Variants in BRINP1 observed in about 807,000 individuals in gnomAD.
The protein encoded by BRINP1 is BMP/retinoic acid-inducible neural-specific protein 1.
Under a neutral mutation model 72.9 loss-of-function variants are expected in BRINP1, and 17 were observed. That is an observed-to-expected ratio of 0.23 (90% CI 0.16 to 0.35). The LOEUF is 0.35. Among genes scored for constraint, BRINP1 ranks in the 10% least tolerant of loss-of-function variants. The pLI is 1.00. For missense variants in BRINP1, 850 were observed against 1,001.6 expected (o/e 0.85, Z 2.04); for synonymous variants, 418 against 378.5 (o/e 1.10, Z -1.21).
At chr9:119,260,933 A>C (rs1168491739) in intron 2 of BRINP1, among the ~76,000 whole-genome samples, 1 of 152,182 alleles carries the variant, frequency 6.6e-6, no homozygotes, top group Admixed American at 6.5e-5. Flanking sequence ...GGATCTGATG[A>C]GTTGTAAATG....
intron 3 of BRINP1, among the ~76,000 whole-genome samples, chr9:119,244,666 GAGAAC>G (rs1317117281): frequency 2.0e-5 from 3 of 152,200 alleles, no homozygotes; most frequent in African/African-American, 7.2e-5. Flanking sequence ...CCTCTGGACT[GAGAAC>G]TGGCAGAAGC....
At chr9:119,200,824 A>C (rs773597358) in intron 7 of BRINP1, among the ~76,000 whole-genome samples, 3 of 151,910 alleles carry the variant, frequency 2.0e-5, no homozygotes, top group Non-Finnish European at 2.9e-5. Flanking sequence ...AAGGGCAGGT[A>C]GAAGCTACCA....
At chr9:119,216,385 G>A (rs948416314) in intron 5 of BRINP1, among the ~76,000 whole-genome samples, 3 of 152,152 alleles carry the variant, frequency 2.0e-5, no homozygotes, top group African/African-American at 7.2e-5. Context: ...CCACATTGAT[G>A]AGCAATGAGT....
At chr9:119,200,689 T>C (rs1262558727) in intron 7 of BRINP1, among the ~76,000 whole-genome samples, 2 of 148,938 alleles carry the variant, frequency 1.3e-5, no homozygotes, top group Non-Finnish European at 3.0e-5. Flanking sequence ...AACTGGATGG[T>C]AAACTGGAAC....
chr9:119,175,278 A>G (rs1588154493), intron 7 of BRINP1, among the ~76,000 whole-genome samples: 1 of 152,006 alleles, frequency 6.6e-6, no homozygotes, highest in Non-Finnish European at 1.5e-5. Context: ...AGAACAGAAA[A>G]CAAAACACTG....
intron 7 of BRINP1, among the ~76,000 whole-genome samples, chr9:119,183,748 C>CTAAT (rs2118841174): frequency 6.6e-6 from 1 of 152,284 alleles, no homozygotes; most frequent in African/African-American, 2.4e-5. Flanking sequence ...TGTTTGTTCT[C>CTAAT]TAATTTTGAT....
chr9:119,195,534 T>C (rs1829729210), intron 7 of BRINP1, among the ~76,000 whole-genome samples: 1 of 152,244 alleles, frequency 6.6e-6, no homozygotes, highest in Non-Finnish European at 1.5e-5. Flanking sequence ...TTGCAAACTT[T>C]AAAGTAATCT....
chr9:119,282,282 G>A (rs1488336025), intron 2 of BRINP1, among the ~76,000 whole-genome samples: 1 of 152,160 alleles, frequency 6.6e-6, no homozygotes. Context: ...TAAACAGAAA[G>A]TAGATGAAAT....
At chr9:119,250,736 T>C (rs1588177925) in intron 2 of BRINP1, among the ~76,000 whole-genome samples, 1 of 152,232 alleles carries the variant, frequency 6.6e-6, no homozygotes, top group East Asian at 1.9e-4. Context: ...TCAGTAACAA[T>C]CACAGTTCCC....
chr9:119,204,605 C>T (rs1329007656), intron 7 of BRINP1, among the ~76,000 whole-genome samples: 2 of 152,306 alleles, frequency 1.3e-5, no homozygotes, highest in Admixed American at 6.5e-5. Flanking sequence ...TGCTAAAGAA[C>T]AGTGCCTGAC....
At chr9:119,241,154 A>G (rs1354043254) in intron 4 of BRINP1, among the ~76,000 whole-genome samples, 1 of 152,236 alleles carries the variant, frequency 6.6e-6, no homozygotes, top group Non-Finnish European at 1.5e-5. Context: ...TAATTAGCTA[A>G]AATGGAATAA....
intron 1 of BRINP1, among the ~76,000 whole-genome samples, chr9:119,346,098 G>A (rs1209790938): frequency 6.6e-6 from 1 of 152,108 alleles, no homozygotes; most frequent in Non-Finnish European, 1.5e-5. Context: ...CTTATTAAGT[G>A]CATGCATCAA....
chr9:119,228,693 G>A (rs931124975), intron 5 of BRINP1, among the ~76,000 whole-genome samples: 7 of 152,038 alleles, frequency 4.6e-5, no homozygotes, highest in Non-Finnish European at 1.0e-4. Flanking sequence ...AAGACGAATG[G>A]GAAAGAAGAG....
At chr9:119,277,962 T>C (rs964095035) in intron 2 of BRINP1, among the ~76,000 whole-genome samples, 6 of 152,216 alleles carry the variant, frequency 3.9e-5, no homozygotes, top group East Asian at 1.9e-4. Context: ...CTCTATGGCA[T>C]TGGAATTTTT....
In BRINP1 at chr9:119,254,166, A is replaced by G. The variant is rs532587958; in HGVS notation, c.219-5016T>C. Among the ~76,000 whole-genome samples, 41 of 152,358 alleles carry G rather than the reference A, an allele frequency of 2.7e-4. No individual in the cohort carries two copies. In the South Asian group the frequency reaches 8.3e-3, roughly 31 times the overall value. ...CTCTAAAGATACCACAGTAAACAAAATTAATGAAAGTCTTGCTCTCAAGGG... is the reference window on the plus strand; with the variant it reads ...CTCTAAAGATACCACAGTAAACAAAGTTAATGAAAGTCTTGCTCTCAAGGG... On this transcript the variant is annotated intron_variant, in intron 2 of 7. Coordinates refer to ENST00000265922, the MANE Select transcript of BRINP1 (RefSeq NM_014618.3).
intron 1 of BRINP1, among the ~76,000 whole-genome samples, chr9:119,355,539 T>G (rs570888058): frequency 7.0e-4 from 106 of 152,090 alleles, no homozygotes; most frequent in African/African-American, 2.5e-3. Flanking sequence ...CCATCCTGGC[T>G]AACATGGTAA....
intron 1 of BRINP1, among the ~76,000 whole-genome samples, chr9:119,328,138 G>A (rs1393561585): frequency 6.6e-6 from 1 of 152,182 alleles, no homozygotes; most frequent in South Asian, 2.1e-4. Context: ...GGGGAATTAT[G>A]AGAGAATAAT....
chr9:119,327,084 G>C (rs1289707859), intron 1 of BRINP1, among the ~76,000 whole-genome samples: 1 of 152,168 alleles, frequency 6.6e-6, no homozygotes, highest in East Asian at 1.9e-4. Flanking sequence ...ACCTCAGTGG[G>C]ATCACTTATT....
At chr9:119,352,628 G>C (rs564070213) in intron 1 of BRINP1, among the ~76,000 whole-genome samples, 2 of 152,080 alleles carry the variant, frequency 1.3e-5, no homozygotes, top group Non-Finnish European at 2.9e-5. Flanking sequence ...GGCTGATCTC[G>C]AACTCCTGAC....
Sources: gnomAD v4.1 joint callset for allele counts (sites outside exome capture counted in the v4.1 genomes callset) on GRCh38, gnomAD v4.1.1 for gene constraint, MANE v1.5 for transcripts, NCBI Gene and HGNC (gene_info 2026-07-23, HGNC 2026-07-21) for gene names.